The following DAZAP1 variants were observed in gnomAD, a reference collection of about 807,000 sequenced individuals.
DAZAP1 encodes DAZ-associated protein 1.
A neutral mutation model predicts 60.1 loss-of-function variants in DAZAP1; 6 were observed. The ratio of observed to expected loss-of-function variants is 0.10; its 90% CI spans 0.05 to 0.20. The LOEUF is 0.20. Among genes scored for constraint, DAZAP1 ranks in the 10% least tolerant of loss-of-function variants. The pLI, the probability that DAZAP1 is intolerant of heterozygous loss-of-function variation, is 1.00. For synonymous variants in DAZAP1, 235 were observed against 215.9 expected (o/e 1.09, Z -0.78); for missense variants, 366 against 560.4 (o/e 0.65, Z 3.50).
chr19:1,431,192 C>G (rs1266591372), intron 10 of DAZAP1, among the ~76,000 whole-genome samples: 6 of 149,302 alleles, frequency 4.0e-5, no homozygotes, highest in Admixed American at 3.4e-4. Flanking sequence ...GCAGTGGCGC[C>G]ATCTCGGCTT....
At chr19:1,430,444 T>C (rs2292457) in intron 10 of DAZAP1, 82 bp downstream of exon 10, 60,351 of 1,318,738 alleles carry the variant, frequency 0.046, 2,914 homozygotes, top group East Asian at 0.25. Context: ...GGGAGTCTTG[T>C]GTTACACGTC....
At chr19:1,429,736 C>T (rs1371676538) in intron 8 of DAZAP1, among the ~76,000 whole-genome samples, 1 of 152,202 alleles carries the variant, frequency 6.6e-6, no homozygotes, top group Non-Finnish European at 1.5e-5. Flanking sequence ...ACACAGTGCC[C>T]GCCACCTGGC....
rs891804868 is a variant in DAZAP1 at position 1,425,514 on chromosome 19, T to C, written c.464-364T>C. 6.6e-6 allele frequency among the ~76,000 whole-genome samples: 1 copy of C among 152,258 alleles called. No homozygotes were observed. Among genetic ancestry groups the C allele is most frequent in the African/African-American group, 2.4e-5 (1 of 41,478 alleles). ...ACCCTCCCCTGGGGGGCGCTTTGTC[T>C]GCCAGTAGCGATGGAGGCCCTCACC... On this transcript the variant is annotated intron_variant, in intron 6 of 11. Coordinates refer to ENST00000233078, the MANE Select transcript of DAZAP1 (RefSeq NM_018959.4). This position sits in a 1 kb window ranked among gnomAD's most constrained non-coding sequence, Gnocchi z 5.4.
In DAZAP1 at chr19:1,434,447, C is replaced by G; in HGVS notation, c.1049-290C>G. On this transcript the variant is annotated intron_variant, in intron 11 of 11. Coordinates refer to ENST00000233078, the MANE Select transcript of DAZAP1 (RefSeq NM_018959.4). The surrounding 1 kb of genome is among the most constrained non-coding windows in gnomAD (Gnocchi z 8.0). ...GCTTCTCTACCTCCCCTCACCCCCC[C>G]AACCACGTCTTCGGGATTGAACAGG... is the stretch of plus-strand genomic sequence containing the variant. The G allele has an allele frequency of 5.4e-6, 2 of 371,320 alleles. No individual in the cohort carries two copies. Among genetic ancestry groups the G allele is most frequent in the South Asian group, 3.7e-5 (1 of 27,266 alleles). 23.0% of individuals were successfully genotyped at this position (371,320 alleles called of 1,614,324 possible).
intron 1 of DAZAP1, among the ~76,000 whole-genome samples, chr19:1,410,872 AGAGG>A (rs2082809670): frequency 1.3e-5 from 2 of 152,242 alleles, no homozygotes; most frequent in African/African-American, 2.4e-5. Flanking sequence ...GGAAAGTCAC[AGAGG>A]GAGGAAGGAC....
At chr19:1,415,338 G>T in intron 1 of DAZAP1, among the ~76,000 whole-genome samples, 1 of 133,228 alleles carries the variant, frequency 7.5e-6, no homozygotes, top group Admixed American at 7.6e-5. Flanking sequence ...GATTTGGTTT[G>T]GTTTTCAGGG....
At chr19:1,429,175 C>T (rs149816958) in intron 8 of DAZAP1, among the ~76,000 whole-genome samples, 180 bp downstream of exon 8, 2,274 of 152,380 alleles carry the variant, frequency 0.015, 24 homozygotes, top group Non-Finnish European at 0.021. Flanking sequence ...GGGCAGCACC[C>T]GCAGCCTCCT....
intron 10 of DAZAP1, among the ~76,000 whole-genome samples, chr19:1,430,747 G>A (rs1317450957): frequency 6.7e-6 from 1 of 150,296 alleles, no homozygotes; most frequent in East Asian, 1.9e-4. Context: ...TTGAGATGGA[G>A]TTTCACTCTG....
At chr19:1,421,355 A>G in intron 5 of DAZAP1, 97 bp downstream of exon 5, 5 of 1,057,318 alleles carry the variant, frequency 4.7e-6, no homozygotes, top group Non-Finnish European at 5.7e-6. Flanking sequence ...CCACAGGTGC[A>G]CGGGCCTTTC....
rs917491864 is a variant in DAZAP1 at position 1,417,145 on chromosome 19, G to A, written c.30-355G>A. 4.0e-5 allele frequency: 12 copies of A among 297,284 alleles called. 1 individual carries two copies. The highest frequency in any genetic ancestry group is 2.0e-4 in the South Asian group (6 of 29,726). The allele number at this position is 297,284 out of a possible 1,614,324, so 18.4% of individuals were successfully genotyped here. A position where few individuals can be genotyped will look rare whatever the true frequency, so the allele number is the denominator to read the frequency against. ...TCTTTTTCCTGATTATAAAATACTC[G>A]CAAAAGCTGTAGGAAAGCGAGCCTG... On this transcript the variant is annotated intron_variant, in intron 1 of 11. Coordinates refer to ENST00000233078, the MANE Select transcript of DAZAP1 (RefSeq NM_018959.4).
chr19:1,435,142 G>T lies in DAZAP1; in HGVS notation c.*230G>T, dbSNP rs2083567220. The stretch of plus-strand genomic sequence containing the variant: ...AAAAAGTCACTGGTTCAACAACAGG[G>T]TTTAAAAAAAATGTCTTCAGCTTTA... On this transcript the variant is annotated 3_prime_UTR_variant, in exon 12 of 12. Transcript: ENST00000233078. The T allele has an allele frequency of 3.2e-6, 1 of 312,032 alleles. No homozygotes were observed. The highest frequency in any genetic ancestry group is 4.9e-5 in the Admixed American group (1 of 20,294). The allele number at this position is 312,032 out of a possible 1,614,324, so 19.3% of individuals were successfully genotyped here.
chr19:1,424,638 C>A (rs2083260766), intron 6 of DAZAP1, among the ~76,000 whole-genome samples: 1 of 152,060 alleles, frequency 6.6e-6, no homozygotes, highest in South Asian at 2.1e-4. Context: ...TGTTCCCACC[C>A]CCCACGGCCC....
Position 1,423,407 on chromosome 19 carries a change from G to A in DAZAP1, c.463+1011G>A, listed in dbSNP as rs1261331576. 6.6e-6 allele frequency among the ~76,000 whole-genome samples: 1 copy of A among 152,222 alleles called. No individual in the cohort carries two copies. The highest frequency in any genetic ancestry group is 2.4e-5 in the African/African-American group (1 of 41,448). ...TCTCTGTGAATTGTGTGTGATTAAC[G>A]ATATCTCTTTAGATTTCTCTTCTCC... On this transcript the variant is annotated intron_variant, in intron 6 of 11. Coordinates refer to ENST00000233078, the MANE Select transcript of DAZAP1 (RefSeq NM_018959.4). This position sits in a 1 kb window ranked among gnomAD's most constrained non-coding sequence, Gnocchi z 6.8.
In DAZAP1 at chr19:1,433,409, A is replaced by G. The variant is rs1247604265; in HGVS notation, c.1048+719A>G. On this transcript the variant is annotated intron_variant, in intron 11 of 11. Transcript: ENST00000233078. This position sits in a 1 kb window ranked among gnomAD's most constrained non-coding sequence, Gnocchi z 6.1. ...TCATTCACAAGCAGGGTTTGAGAAC[A>G]TGGGGCACCTGTCTGCAGGTGGCCA... 2.8e-6 allele frequency: 1 copy of G among 358,194 alleles called. No individual in the cohort carries two copies. The highest frequency in any genetic ancestry group is 5.3e-6 in the Non-Finnish European group (1 of 190,476). 22.2% of individuals were successfully genotyped at this position (358,194 alleles called of 1,614,324 possible). A position where few individuals can be genotyped will look rare whatever the true frequency, so the allele number is the denominator to read the frequency against.
At chr19:1,430,722 GTT>G (rs1171958291) in intron 10 of DAZAP1, among the ~76,000 whole-genome samples, 10 of 137,802 alleles carry the variant, frequency 7.3e-5, no homozygotes, top group Admixed American at 2.9e-4. Context: ...AGCTCTAATT[GTT>G]TTTTTTTTTT....
At chr19:1,409,094 T>C (rs1163305828) in intron 1 of DAZAP1, among the ~76,000 whole-genome samples, 1 of 152,222 alleles carries the variant, frequency 6.6e-6, no homozygotes, top group Admixed American at 6.5e-5. Flanking sequence ...AAAGAGCACC[T>C]TCCGTTGGAG....
Position 1,426,109 on chromosome 19 carries a change from A to G in DAZAP1, c.546+149A>G, listed in dbSNP as rs1291881083. The G allele has an allele frequency of 6.0e-6, 4 of 670,574 alleles. No homozygotes were observed. The highest frequency in any genetic ancestry group is 1.1e-5 in the Non-Finnish European group (4 of 365,940). The allele number at this position is 670,574 out of a possible 1,614,324, so 41.5% of individuals were successfully genotyped here. ...CTGCGTGAGGTGGGCCTGGGTCTGTAGACGTGAGGAGGGTCCCATCCTTCC... is the reference window on the plus strand; with the variant it reads ...CTGCGTGAGGTGGGCCTGGGTCTGTGGACGTGAGGAGGGTCCCATCCTTCC... On this transcript the variant is annotated intron_variant, in intron 7 of 11. Coordinates refer to ENST00000233078, the MANE Select transcript of DAZAP1 (RefSeq NM_018959.4). This position sits in a 1 kb window ranked among gnomAD's most constrained non-coding sequence, Gnocchi z 5.4.
rs1600207648 is a variant in DAZAP1, at chr19:1,418,589, C to T, written c.238-77C>T. On this transcript the variant is annotated intron_variant, in intron 3 of 11. Coordinates refer to ENST00000233078, the MANE Select transcript of DAZAP1 (RefSeq NM_018959.4). The surrounding 1 kb of genome is among the most constrained non-coding windows in gnomAD (Gnocchi z 5.7). Reference sequence around the variant, plus strand: ...GGCGGGCCGGGCTGCTGTGCCGTGGCTGCTGTTGTGCTGACACCCTCTTTC... The same window carrying T: ...GGCGGGCCGGGCTGCTGTGCCGTGGTTGCTGTTGTGCTGACACCCTCTTTC... 5 of 1,575,902 alleles carry T rather than the reference C, an allele frequency of 3.2e-6. No homozygotes were observed. The highest frequency in any genetic ancestry group is 4.4e-6 in the Non-Finnish European group (5 of 1,146,126).
Position 1,428,683 on chromosome 19 carries a change from G to A in DAZAP1, c.547-159G>A. ...AATTCAACACAAAAGAATTTTTTAAGAAAAAAATGCTACTGGCCTAAATAA... is the reference window on the plus strand; with the variant it reads ...AATTCAACACAAAAGAATTTTTTAAAAAAAAAATGCTACTGGCCTAAATAA... On this transcript the variant is annotated intron_variant, in intron 7 of 11. Transcript: ENST00000233078. The surrounding 1 kb of genome is among the most constrained non-coding windows in gnomAD (Gnocchi z 4.0). The A allele has an allele frequency of 1.1e-6, 1 of 913,940 alleles. No individual in the cohort carries two copies. The highest frequency in any genetic ancestry group is 2.8e-5 in the East Asian group (1 of 35,154). The allele number at this position is 913,940 out of a possible 1,614,324, so 56.6% of individuals were successfully genotyped here.
Sources: allele counts gnomAD v4.1 joint callset (sites outside exome capture counted in the v4.1 genomes callset), GRCh38; gene constraint gnomAD v4.1.1; non-coding constraint Gnocchi (gnomAD v3.1); transcripts MANE v1.5; gene names NCBI Gene and HGNC (gene_info 2026-07-23, HGNC 2026-07-21).